The following ERMARD variants were observed in gnomAD, a reference collection of about 807,000 sequenced individuals.
ERMARD encodes the protein endoplasmic reticulum membrane-associated RNA degradation protein.
A neutral mutation model predicts 83.9 loss-of-function variants in ERMARD; 71 were observed. The observed-to-expected ratio is 0.85, with a 90% CI of 0.70 to 1.03. The LOEUF (loss-of-function observed/expected upper bound fraction) is 1.03. ERMARD is among the 50% of genes least tolerant of loss of function. The probability of loss-of-function intolerance (pLI) is 0.00; values close to 1 mark genes in which losing one functional copy is unlikely to be tolerated. For missense variants in ERMARD, 838 were observed against 810.9 expected (o/e 1.03, Z -0.41); for synonymous variants, 284 against 298.6 (o/e 0.95, Z 0.50).
At chr6:169,766,077 A>G (rs766226658) in intron 9 of ERMARD, among the ~76,000 whole-genome samples, 4 of 152,064 alleles carry the variant, frequency 2.6e-5, no homozygotes, top group Non-Finnish European at 5.9e-5. Flanking sequence ...GCCTTTTGAG[A>G]TAGGCATTCT....
chr6:169,780,701 G>A (rs1794106917), intron 17 of ERMARD, among the ~76,000 whole-genome samples: 1 of 152,210 alleles, frequency 6.6e-6, no homozygotes, highest in African/African-American at 2.4e-5. Context: ...TGTCATTGCA[G>A]CCGAACCTTG....
intron 9 of ERMARD, among the ~76,000 whole-genome samples, chr6:169,765,965 G>C (rs772073349): frequency 1.1e-5 from 1 of 91,692 alleles, no homozygotes; most frequent in Non-Finnish European, 2.2e-5. Flanking sequence ...TCGTCACGCT[G>C]TCTGTCAAAT....
intron 8 of ERMARD, among the ~76,000 whole-genome samples, chr6:169,762,087 T>C (rs1266788005): frequency 6.6e-6 from 1 of 152,150 alleles, no homozygotes; most frequent in Non-Finnish European, 1.5e-5. Context: ...TTATTTTTGT[T>C]TTTTGCTTGT....
chr6:169,769,404 A>G, intron 11 of ERMARD, 136 bp from the exon 12 acceptor site: 2 of 712,068 alleles, frequency 2.8e-6, no homozygotes, highest in East Asian at 2.9e-5. Context: ...GTAGGAGAAG[A>G]GCTCTCCCCA....
At chr6:169,764,774 C>T (rs1305586773) in intron 9 of ERMARD, among the ~76,000 whole-genome samples, 4 of 152,176 alleles carry the variant, frequency 2.6e-5, no homozygotes, top group Non-Finnish European at 5.9e-5. Context: ...TTCTTGTCAG[C>T]TCCAGAACTT....
At chr6:169,778,109 A>T (rs1204833732) in intron 16 of ERMARD, among the ~76,000 whole-genome samples, 1 of 152,178 alleles carries the variant, frequency 6.6e-6, no homozygotes, top group African/African-American at 2.4e-5. Context: ...CAGCTCTGGG[A>T]TGTGGAGGGG....
At chr6:169,758,490 C>T (rs1046962506) in intron 5 of ERMARD, among the ~76,000 whole-genome samples, 5 of 152,246 alleles carry the variant, frequency 3.3e-5, no homozygotes, top group African/African-American at 1.2e-4. Context: ...CCATGCTGCT[C>T]GGGCATCTGC....
At chr6:169,777,850 T>TA in intron 16 of ERMARD, among the ~76,000 whole-genome samples, 1 of 152,212 alleles carries the variant, frequency 6.6e-6, no homozygotes, top group East Asian at 1.9e-4. Context: ...ATCTGTCACT[T>TA]ACTGTCGAGC....
chr6:169,772,400 C>T (rs1585403728), intron 12 of ERMARD, among the ~76,000 whole-genome samples: 2 of 152,196 alleles, frequency 1.3e-5, no homozygotes, highest in South Asian at 2.1e-4. Flanking sequence ...ACCTGAGTGA[C>T]GGGAAGGCCA....
intron 17 of ERMARD, 100 bp downstream of exon 17, chr6:169,779,395 C>T (rs2128369272): frequency 2.0e-6 from 2 of 988,764 alleles, no homozygotes; most frequent in Non-Finnish European, 1.6e-6. Context: ...TGACACTATC[C>T]CCTTGGTGGC....
Position 169,755,351 on chromosome 6 carries a change from T to G in ERMARD, c.244T>G (p.Phe82Val). 2 of 1,614,180 alleles carry G rather than the reference T, an allele frequency of 1.2e-6. No homozygotes were observed. The highest frequency in any genetic ancestry group is 1.7e-6 in the Non-Finnish European group (2 of 1,180,030). The change falls in exon 3 of 18, where the codon TTC (phenylalanine) becomes GTC (valine). Residue 82 changes from phenylalanine to valine, a missense_variant. Phe to Val is a conservative substitution (Grantham distance 50, BLOSUM62 -1). Coordinates refer to ENST00000366773, the MANE Select transcript of ERMARD (RefSeq NM_018341.3). ...TGTGTGTGAGGCTGTCCATTCACAT[T>G]TCTTATCTCTGACCAAGGGGCAATT... ...GPVCEAVHSH[F>V]LSLTKGQFEI... is the part of the protein sequence containing the mutation.
At position 169,779,265 on chromosome 6, in the gene ERMARD, A is replaced by G; in HGVS notation, c.1823A>G (p.Lys608Arg). 6.2e-7 allele frequency: 1 copy of G among 1,614,224 alleles called. No homozygotes were observed. The highest frequency in any genetic ancestry group is 1.1e-5 in the South Asian group (1 of 91,088). Residue 608 changes from lysine (K) to arginine (R), a missense_variant, in exon 17 of 18, where the codon AAG becomes AGG. Transcript: ENST00000366773. ...GTCAACATTCATGCTGTTTGTGGGAAGAATGCGCATGAGTATCAGCAGTAC... is the reference window on the plus strand; with the variant it reads ...GTCAACATTCATGCTGTTTGTGGGAGGAATGCGCATGAGTATCAGCAGTAC... ...ELVNIHAVCG[K>R]NAHEYQQYLK...
intron 5 of ERMARD, among the ~76,000 whole-genome samples, chr6:169,758,483 T>C (rs1158194902): frequency 6.6e-6 from 1 of 152,252 alleles, no homozygotes; most frequent in East Asian, 1.9e-4. Flanking sequence ...CCTGGAGCCA[T>C]GCTGCTCGGG....
intron 10 of ERMARD, chr6:169,767,653 A>G (rs1241204986): frequency 5.6e-6 from 1 of 179,748 alleles, no homozygotes; most frequent in African/African-American, 2.4e-5. Context: ...AGGCATACAC[A>G]TACTCTAATG....
rs201286282 is a variant in ERMARD at position 169,751,690 on chromosome 6, A to G, written c.6+27A>G. On this transcript the variant is annotated intron_variant, in intron 1 of 17. Transcript: ENST00000366773. ...TAGGGCGGGTGTAGGGCCCGGTTCGATCCCGAGCTAGGCAGGGAGTCGGCG... is the reference window on the plus strand; with the variant it reads ...TAGGGCGGGTGTAGGGCCCGGTTCGGTCCCGAGCTAGGCAGGGAGTCGGCG... The G allele has an allele frequency of 2.0e-5, 31 of 1,544,134 alleles. No individual in the cohort carries two copies. In the African/African-American group the frequency reaches 3.4e-4, roughly 17 times the overall value.
At chr6:169,766,600 C>A in intron 9 of ERMARD, 38 bp from the exon 10 acceptor site, 1 of 1,537,604 alleles carries the variant, frequency 6.5e-7, no homozygotes, top group Non-Finnish European at 8.7e-7. Context: ...TTGTATTTTG[C>A]TTTAATTGTT....
chr6:169,773,972 A>G (rs924768948), intron 13 of ERMARD, among the ~76,000 whole-genome samples: 2 of 152,172 alleles, frequency 1.3e-5, no homozygotes, highest in Non-Finnish European at 2.9e-5. Flanking sequence ...AAATGAGATT[A>G]CCTCTAAAAG....
chr6:169,773,161 G>T, intron 12 of ERMARD, 158 bp from the exon 13 acceptor site: 1 of 574,978 alleles, frequency 1.7e-6, no homozygotes, highest in Non-Finnish European at 3.0e-6. Context: ...TGCCTGCCAT[G>T]TCAAGCCTAT....
intron 9 of ERMARD, 26 bp from the exon 10 acceptor site, chr6:169,766,612 A>G (rs1040739207): frequency 4.5e-6 from 7 of 1,556,124 alleles, no homozygotes; most frequent in Non-Finnish European, 6.0e-6. Flanking sequence ...TTAATTGTTT[A>G]TTTTCATTTC....
Sources: allele counts gnomAD v4.1 joint callset (sites outside exome capture counted in the v4.1 genomes callset), GRCh38; gene constraint gnomAD v4.1.1; transcripts MANE v1.5; gene names NCBI Gene and HGNC (gene_info 2026-07-23, HGNC 2026-07-21).